Variants in EPG5 observed in about 807,000 individuals in gnomAD.
EPG5 encodes the protein ectopic P-granules 5 autophagy tethering factor.
A neutral mutation model predicts 302.7 loss-of-function variants in EPG5; 159 were observed. The observed-to-expected ratio is 0.53, with a 90% CI of 0.46 to 0.60. EPG5 has a LOEUF of 0.60. EPG5 is among the 20% of genes least tolerant of loss of function. The pLI is 0.00. For synonymous variants in EPG5, 1,158 were observed against 1,136.8 expected (o/e 1.02, Z -0.37); for missense variants, 2,896 against 3,092.4 (o/e 0.94, Z 1.51).
chr18:45,917,795 G>A lies in EPG5; in HGVS notation c.3123C>T (p.Gly1041=). The part of the protein sequence containing the change: ...GHSIEKFCAE[G]IPLLGILVQS... Reference sequence around the variant, plus strand: ...GGACCAGAATTCCCAATAGTGGGATGCCTTCTGCACAGAACTTCTCAATGC... The same window carrying A: ...GGACCAGAATTCCCAATAGTGGGATACCTTCTGCACAGAACTTCTCAATGC... The change falls in exon 17 of 44, where the codon GGC becomes GGT. Residue 1041 remains glycine (G), a synonymous_variant. Transcript: ENST00000282041. 1 of 1,614,122 alleles carries A rather than the reference G, an allele frequency of 6.2e-7. No individual in the cohort carries two copies. The highest frequency in any genetic ancestry group is 8.5e-7 in the Non-Finnish European group (1 of 1,179,970).
In EPG5 at chr18:45,915,541, G is replaced by C. The variant is rs2050010110; in HGVS notation, c.3663C>G (p.Ser1221=). Residue 1221 remains serine (S), a synonymous_variant, in exon 20 of 44, where the codon TCC becomes TCG. Transcript: ENST00000282041. ...TGGGCGTGGCCAAGCCCTCCACAAA[G>C]GAAGGAGTGATGTTGCCTGCCACAA... The part of the protein sequence containing the change: ...SWIVAGNITP[S]FVEGLATPTQ... The C allele has an allele frequency of 3.1e-6, 5 of 1,614,028 alleles. No homozygotes were observed. Among genetic ancestry groups the C allele is most frequent in the East Asian group, 2.2e-5 (1 of 44,896 alleles).
At chr18:45,940,706 G>A (rs1293492502) in intron 9 of EPG5, among the ~76,000 whole-genome samples, 2 of 151,688 alleles carry the variant, frequency 1.3e-5, no homozygotes, top group Non-Finnish European at 2.9e-5. Flanking sequence ...CATATAAAAT[G>A]TATCTTAAAA....
At chr18:45,966,225 A>G (rs779377076) in intron 1 of EPG5, among the ~76,000 whole-genome samples, 79 of 151,578 alleles carry the variant, frequency 5.2e-4, no homozygotes, top group Non-Finnish European at 5.4e-4. Context: ...ACAAAAAATT[A>G]GCCGGGCGTG....
chr18:45,878,501 C>T (rs1268432732), intron 33 of EPG5, 53 bp from the exon 34 acceptor site: 1 of 1,120,584 alleles, frequency 8.9e-7, no homozygotes, highest in African/African-American at 1.5e-5. Context: ...TTGTCAATAT[C>T]ACTGCTCACA....
chr18:45,939,299 A>C (rs2145878743), intron 10 of EPG5, among the ~76,000 whole-genome samples: 1 of 152,280 alleles, frequency 6.6e-6, no homozygotes, highest in South Asian at 2.1e-4. Context: ...GATAGATAGA[A>C]TCTATCCTTG....
chr18:45,966,803 G>A (rs527534704), intron 1 of EPG5, among the ~76,000 whole-genome samples: 54 of 152,254 alleles, frequency 3.5e-4, no homozygotes, highest in African/African-American at 1.3e-3. Context: ...TGCATGGCAG[G>A]GACTAAAAAT....
chr18:45,832,719 G>C, the EPG5 span, among the ~76,000 whole-genome samples: 1 of 152,226 alleles, frequency 6.6e-6, no homozygotes, highest in Non-Finnish European at 1.5e-5. Context: ...CATGATTCCA[G>C]TTCAGGAATC....
At chr18:45,831,520 A>G in the EPG5 span, among the ~76,000 whole-genome samples, 1 of 152,126 alleles carries the variant, frequency 6.6e-6, no homozygotes, top group African/African-American at 2.4e-5. Context: ...CAGACTGTCA[A>G]CCTAACGAGG....
intron 27 of EPG5, among the ~76,000 whole-genome samples, chr18:45,894,063 G>T (rs1022647475): frequency 6.6e-6 from 1 of 152,120 alleles, no homozygotes; most frequent in African/African-American, 2.4e-5. Context: ...TCAAAATCTA[G>T]TAACAGCATA....
At chr18:45,858,141 T>C (rs2145193761) in intron 41 of EPG5, 73 bp from the exon 42 acceptor site, 1 of 1,129,818 alleles carries the variant, frequency 8.9e-7, no homozygotes, top group Non-Finnish European at 1.3e-6. Flanking sequence ...CAAGTCCACA[T>C]CAGAGTTTGA....
rs555742459 is a variant in EPG5, at chr18:45,913,870, G to A, written c.3694-42C>T. On this transcript the variant is annotated intron_variant, in intron 20 of 43. Coordinates refer to ENST00000282041, the MANE Select transcript of EPG5 (RefSeq NM_020964.3). ...TAAAGGGGAGGGGAAGGAGGAGCTC[G>A]CCCCACTGACGAAATACATCCTGAT... 58 of 1,602,796 alleles carry A rather than the reference G, an allele frequency of 3.6e-5. 2 individuals carry two copies. The South Asian group carries it at 3.7e-4, about 10-fold the overall frequency.
intron 14 of EPG5, among the ~76,000 whole-genome samples, chr18:45,924,732 A>C (rs988024134): frequency 6.6e-6 from 1 of 152,248 alleles, no homozygotes; most frequent in Non-Finnish European, 1.5e-5. Context: ...GAATCATCCT[A>C]AACATCTTGT....
Position 45,860,329 on chromosome 18 carries a change from G to A in EPG5, c.6784C>T (p.Arg2262Cys), listed in dbSNP as rs973783719. 54 of 1,614,136 alleles carry A rather than the reference G, an allele frequency of 3.3e-5. No individual in the cohort carries two copies. The highest frequency in any genetic ancestry group is 4.4e-5 in the Non-Finnish European group (52 of 1,180,054). ...AAGAGGCTGCTGAGGGCCATGTGGCGGGTCTGGCTGTCCATGTCTGAAAGG... is the reference window on the plus strand; with the variant it reads ...AAGAGGCTGCTGAGGGCCATGTGGCAGGTCTGGCTGTCCATGTCTGAAAGG... ...FNPPDMDSQT[R>C]HMALSSLFME... The change falls in exon 40 of 44, where the codon CGC becomes TGC. Residue 2262 changes from arginine (R) to cysteine (C), a missense_variant. Arg to Cys is a radical substitution (Grantham distance 180, BLOSUM62 -3). Coordinates refer to ENST00000282041, the MANE Select transcript of EPG5 (RefSeq NM_020964.3).
At chr18:45,847,256 G>A (rs1303831036), downstream of EPG5, among the ~76,000 whole-genome samples, 1 of 152,150 alleles carries the variant, frequency 6.6e-6, no homozygotes, top group African/African-American at 2.4e-5. Context: ...ACTGAAGGTG[G>A]ATTTCCCCAG....
chr18:45,941,095 A>T (rs1281699460), intron 9 of EPG5, among the ~76,000 whole-genome samples: 1 of 152,226 alleles, frequency 6.6e-6, no homozygotes, highest in African/African-American at 2.4e-5. Flanking sequence ...GCAAGTGTAG[A>T]TAAAGAGAAG....
At chr18:45,868,014 C>T (rs973612970) in intron 36 of EPG5, 16 of 526,520 alleles carry the variant, frequency 3.0e-5, no homozygotes, top group Non-Finnish European at 5.5e-5. Flanking sequence ...CCTTCCCTAA[C>T]CCCAACCTGG....
chr18:45,874,180 A>T (rs1197438414), intron 35 of EPG5, among the ~76,000 whole-genome samples: 2 of 152,236 alleles, frequency 1.3e-5, no homozygotes, highest in Non-Finnish European at 2.9e-5. Context: ...TGATGCCTTA[A>T]TGTAGGTTCA....
chr18:45,853,333 T>C (rs1196587624), intron 43 of EPG5, among the ~76,000 whole-genome samples: 1 of 152,350 alleles, frequency 6.6e-6, no homozygotes, highest in East Asian at 1.9e-4. Flanking sequence ...CATGCCTCTC[T>C]TCAGAGGAAG....
chr18:45,907,061 C>T (rs1314913304), intron 24 of EPG5: 2 of 152,030 alleles, frequency 1.3e-5, no homozygotes, highest in African/African-American at 2.4e-5. Context: ...ATCTTCGGTA[C>T]CTGGCACTTA....
Sources: allele counts gnomAD v4.1 joint callset (sites outside exome capture counted in the v4.1 genomes callset), GRCh38; gene constraint gnomAD v4.1.1; transcripts MANE v1.5; gene names NCBI Gene and HGNC (gene_info 2026-07-23, HGNC 2026-07-21).